Variants in MYLK4 observed in about 807,000 individuals in gnomAD.
The protein encoded by MYLK4 is myosin light chain kinase family member 4, also known as caMLCK like.
Under a neutral mutation model 48.1 loss-of-function variants are expected in MYLK4, and 46 were observed. The ratio of observed to expected loss-of-function variants is 0.96; its 90% CI spans 0.75 to 1.22. MYLK4 has a LOEUF of 1.22. Among genes scored for constraint, MYLK4 ranks in the 50% most tolerant of loss-of-function variants. MYLK4 has a pLI of 0.00. For synonymous variants in MYLK4, 170 were observed against 180.8 expected, an observed-to-expected ratio of 0.94 and a Z score of 0.48; for missense variants, 451 against 486.1, an observed-to-expected ratio of 0.93 and a Z score of 0.68.
chr6:2,751,307 T>C (rs1285559326), upstream of MYLK4, among the ~76,000 whole-genome samples: 1 of 152,232 alleles, frequency 6.6e-6, no homozygotes, highest in South Asian at 2.1e-4. Context: ...GCTTTGAGCA[T>C]ATCCAACTGC....
At chr6:2,757,421 T>G in the MYLK4 span, among the ~76,000 whole-genome samples, 12 of 152,298 alleles carry the variant, frequency 7.9e-5, no homozygotes, top group East Asian at 2.3e-3. Flanking sequence ...ATTGCTCTGA[T>G]TTTTATGGAA....
intron 2 of MYLK4, among the ~76,000 whole-genome samples, chr6:2,708,365 C>A (rs1762565404): frequency 6.6e-6 from 1 of 152,104 alleles, no homozygotes; most frequent in African/African-American, 2.4e-5. Context: ...TCAGAGAATA[C>A]CAAAGTGCTG....
chr6:2,758,687 T>C, the MYLK4 span, among the ~76,000 whole-genome samples: 7 of 152,190 alleles, frequency 4.6e-5, no homozygotes, highest in Non-Finnish European at 7.4e-5. Context: ...TCTAAATATA[T>C]AGCTTCGTTT....
At chr6:2,696,613 T>C (rs1262065377) in intron 2 of MYLK4, among the ~76,000 whole-genome samples, 1 of 152,252 alleles carries the variant, frequency 6.6e-6, no homozygotes, top group African/African-American at 2.4e-5. Context: ...TAAATGTTTG[T>C]TGTTTAAACC....
intron 7 of MYLK4, among the ~76,000 whole-genome samples, chr6:2,682,271 C>T (rs866598074): frequency 6.6e-6 from 1 of 152,210 alleles, no homozygotes; most frequent in Non-Finnish European, 1.5e-5. Context: ...CTTTATGATA[C>T]TTAGTCCCAA....
At chr6:2,679,521 C>A in intron 8 of MYLK4, 113 bp from the exon 9 acceptor site, 1 of 1,291,208 alleles carries the variant, frequency 7.7e-7, no homozygotes. Context: ...AAACTTCAGA[C>A]AAACAAACAT....
Position 2,692,813 on chromosome 6 carries a change from A to G in MYLK4, c.206T>C (p.Val69Ala). 1.2e-6 allele frequency: 2 copies of G among 1,613,826 alleles called. No homozygotes were observed. Among genetic ancestry groups the G allele is most frequent in the Admixed American group, 3.3e-5 (2 of 60,006 alleles). ...GAGGGCTGATGTCCTTTTGCTTTTG[A>G]CGGGCATCCTTTCCGTCAGGTCGGC... ...SNADLTERMP[V>A]KSKRTSALAV... is the part of the protein sequence containing the mutation. Residue 69 changes from valine (V) to alanine (A), a missense_variant, in exon 3 of 13, where the codon GTC becomes GCC. Val to Ala is a moderately conservative substitution (Grantham distance 64). Transcript: ENST00000274643.
rs756822003 is a variant in MYLK4 at position 2,675,125 on chromosome 6, AC to A, written c.1041-1del. ...GAGCTTCGCTTGCACTTATTCGCCA[AC>A]TAGAAGGAAATTCAGAAGGTGATTA... On this transcript the variant is annotated splice_acceptor_variant, in intron 10 of 12. Transcript: ENST00000274643. LOFTEE classifies it high-confidence loss of function. 3.3e-5 allele frequency: 53 copies of A among 1,612,698 alleles called. No homozygotes were observed. The highest frequency in any genetic ancestry group is 4.5e-5 in the Non-Finnish European group (53 of 1,178,902).
intron 4 of MYLK4, among the ~76,000 whole-genome samples, chr6:2,688,324 G>A (rs1172628934): frequency 2.0e-5 from 3 of 152,168 alleles, no homozygotes; most frequent in Non-Finnish European, 4.4e-5. Context: ...TTCCCAAAGT[G>A]CTGGGATTAC....
intron 2 of MYLK4, among the ~76,000 whole-genome samples, chr6:2,728,242 A>G (rs571719467): frequency 6.6e-6 from 1 of 152,290 alleles, no homozygotes; most frequent in African/African-American, 2.4e-5. Flanking sequence ...GACTTTGTAT[A>G]TGTTTCTCCT....
the MYLK4 span, chr6:2,766,571 C>T: frequency 6.7e-4 from 928 of 1,388,038 alleles, 5 homozygotes; most frequent in African/African-American, 0.011. Flanking sequence ...GGGGTGCAGA[C>T]TTGGGCTGGG....
chr6:2,765,182 A>ACCCCCCCCCCCCCCCCCCCC, the MYLK4 span, among the ~76,000 whole-genome samples: 2 of 72,948 alleles, frequency 2.7e-5, no homozygotes, highest in Admixed American at 3.1e-4. Flanking sequence ...TCGCCTCGCA[A>ACCCCCCCCCCCCCCCCCCCC]CCCCCCCCCC....
chr6:2,765,182 ACCC>A, the MYLK4 span, among the ~76,000 whole-genome samples: 18 of 72,924 alleles, frequency 2.5e-4, no homozygotes, highest in African/African-American at 8.3e-4. Context: ...TCGCCTCGCA[ACCC>A]CCCCCCCCGC....
chr6:2,699,282 C>CTTTT (rs1762184790), intron 2 of MYLK4, among the ~76,000 whole-genome samples: 2 of 63,584 alleles, frequency 3.1e-5, no homozygotes, highest in Admixed American at 4.0e-4. Flanking sequence ...CTTTTCTTTT[C>CTTTT]TTTTCTTTTT....
In MYLK4 at chr6:2,671,262, G is replaced by A. The variant is rs765874222; in HGVS notation, c.*25+14C>T. 6.3e-6 allele frequency: 10 copies of A among 1,583,954 alleles called. No homozygotes were observed. The highest frequency in any genetic ancestry group is 8.7e-6 in the Non-Finnish European group (10 of 1,153,362). Reference sequence around the variant, plus strand: ...GGCCTTCACAGACACCTCTTCAGGAGACCCAAGACTAACCTTCCAAATGGC... The same window carrying A: ...GGCCTTCACAGACACCTCTTCAGGAAACCCAAGACTAACCTTCCAAATGGC... On this transcript the variant is annotated intron_variant, in intron 12 of 12. Coordinates refer to ENST00000274643, the MANE Select transcript of MYLK4 (RefSeq NM_001012418.5).
At chr6:2,725,868 C>T (rs1763254465) in intron 2 of MYLK4, among the ~76,000 whole-genome samples, 1 of 152,214 alleles carries the variant, frequency 6.6e-6, no homozygotes, top group Non-Finnish European at 1.5e-5. Context: ...GCCTCTCACT[C>T]AGCCTTCTGT....
intron 2 of MYLK4, among the ~76,000 whole-genome samples, chr6:2,743,550 G>A (rs1335138223): frequency 6.6e-6 from 1 of 152,224 alleles, no homozygotes; most frequent in African/African-American, 2.4e-5. Flanking sequence ...CGATTTCTTA[G>A]TAAGAGTAGA....
chr6:2,687,343 G>A (rs2113148128), intron 4 of MYLK4, among the ~76,000 whole-genome samples: 1 of 152,318 alleles, frequency 6.6e-6, no homozygotes, highest in South Asian at 2.1e-4. Flanking sequence ...AATTACGGCT[G>A]CCAATTTTGG....
intron 10 of MYLK4, 90 bp from the exon 11 acceptor site, chr6:2,675,215 G>A: frequency 1.1e-6 from 1 of 930,204 alleles, no homozygotes; most frequent in Non-Finnish European, 1.8e-6. Flanking sequence ...TCTGCCTTCG[G>A]GAGACCAGAT....
Sources: gnomAD v4.1 joint callset for allele counts (sites outside exome capture counted in the v4.1 genomes callset) on GRCh38, gnomAD v4.1.1 for gene constraint, MANE v1.5 for transcripts, NCBI Gene and HGNC (gene_info 2026-07-23, HGNC 2026-07-21) for gene names.